Variants in DNMT3A observed in about 807,000 individuals in gnomAD.
DNMT3A encodes DNA (cytosine-5)-methyltransferase 3A.
DNMT3A carries 267 observed loss-of-function variants against 117.6 expected under a neutral mutation model. The ratio of observed to expected loss-of-function variants is 2.27; its 90% CI spans 2.05 to 2.51. The LOEUF is 2.51. Ranked by LOEUF, DNMT3A falls within the 30% of genes most tolerant of loss-of-function variation. The pLI is 0.00. For missense variants in DNMT3A, 1,029 were observed against 1,260.2 expected (o/e 0.82, Z 2.78); for synonymous variants, 432 against 474.8 (o/e 0.91, Z 1.17).
In DNMT3A at chr2:25,275,483, G is replaced by A; in HGVS notation, c.492+17C>T. On this transcript the variant is annotated intron_variant, in intron 5 of 22. Coordinates refer to ENST00000321117, the MANE Select transcript of DNMT3A (RefSeq NM_022552.5). ...TAGAATCAGGATCCACAGAGCCCCT[G>A]GGGGTGGAACACTTGCCTCCATTTT... 6.3e-7 allele frequency: 1 copy of A among 1,590,718 alleles called. No individual in the cohort carries two copies. The highest frequency in any genetic ancestry group is 1.4e-5 in the African/African-American group (1 of 72,332).
At chr2:25,317,477 G>A (rs1018777367) in intron 1 of DNMT3A, among the ~76,000 whole-genome samples, 8 of 152,222 alleles carry the variant, frequency 5.3e-5, no homozygotes, top group Non-Finnish European at 1.0e-4. Context: ...TCAGACAGGC[G>A]TGTGAACGCT....
intron 6 of DNMT3A, among the ~76,000 whole-genome samples, chr2:25,267,208 C>T (rs1272595594): frequency 1.3e-5 from 2 of 152,142 alleles, no homozygotes; most frequent in Non-Finnish European, 2.9e-5. Flanking sequence ...TATATTTACA[C>T]GCATACACAC....
intron 1 of DNMT3A, among the ~76,000 whole-genome samples, chr2:25,331,032 G>A (rs1304209345): frequency 6.6e-6 from 1 of 152,218 alleles, no homozygotes; most frequent in Admixed American, 6.5e-5. Context: ...GTGCAGAAGC[G>A]AGGGAGGGAA....
Position 25,327,901 on chromosome 2 carries a change from G to A in DNMT3A, c.-177-13740C>T, listed in dbSNP as rs899627281. On this transcript the variant is annotated intron_variant, in intron 1 of 22. Transcript: ENST00000321117. The surrounding 1 kb of genome is among the most constrained non-coding windows in gnomAD (Gnocchi z 4.1). ...AACTCAGGTCCCACCTTTCCCCTGG[G>A]TCCTCACATCCAGCAGGTACCTGGT... Among the ~76,000 whole-genome samples, 2 of 152,038 alleles carry A rather than the reference G, an allele frequency of 1.3e-5. No individual in the cohort carries two copies. Among genetic ancestry groups the A allele is most frequent in the Non-Finnish European group, 2.9e-5 (2 of 68,014 alleles).
chr2:25,247,445 G>T lies in DNMT3A; in HGVS notation c.1014+146C>A, dbSNP rs1172285539. 3 of 1,284,622 alleles carry T rather than the reference G, an allele frequency of 2.3e-6. No homozygotes were observed. The highest frequency in any genetic ancestry group is 2.1e-6 in the Non-Finnish European group (2 of 938,288). The allele number at this position is 1,284,622 out of a possible 1,614,324, so 79.6% of individuals were successfully genotyped here. A position where few individuals can be genotyped will look rare whatever the true frequency, so the allele number is the denominator to read the frequency against. ...CAGGTGCAACCTAATTATCCCTACAGCTTCTTCCACCCACCACAGGCAGAG... is the reference window on the plus strand; with the variant it reads ...CAGGTGCAACCTAATTATCCCTACATCTTCTTCCACCCACCACAGGCAGAG... On this transcript the variant is annotated intron_variant, in intron 8 of 22. Transcript: ENST00000321117. The surrounding 1 kb of genome is among the most constrained non-coding windows in gnomAD (Gnocchi z 5.6).
intron 1 of DNMT3A, among the ~76,000 whole-genome samples, chr2:25,333,677 C>A (rs1295442465): frequency 6.6e-6 from 1 of 152,200 alleles, no homozygotes; most frequent in Non-Finnish European, 1.5e-5. Flanking sequence ...AGCAGCAGGG[C>A]TTTGTGGGGG....
rs973149983 is a variant in DNMT3A at position 25,282,782 on chromosome 2, C to A, written c.178-71G>T. ...GCTTAGCCTGTTTTGGATCATTGAC[C>A]GCTCTGAAATTCTAGAGAATGTTAT... On this transcript the variant is annotated intron_variant, in intron 3 of 22. Coordinates refer to ENST00000321117, the MANE Select transcript of DNMT3A (RefSeq NM_022552.5). This position sits in a 1 kb window ranked among gnomAD's most constrained non-coding sequence, Gnocchi z 5.2. 1 of 1,467,456 alleles carries A rather than the reference C, an allele frequency of 6.8e-7. No homozygotes were observed. The highest frequency in any genetic ancestry group is 1.4e-5 in the African/African-American group (1 of 69,690). The allele number at this position is 1,467,456 out of a possible 1,614,324, so 90.9% of individuals were successfully genotyped here. A position where few individuals can be genotyped will look rare whatever the true frequency, so the allele number is the denominator to read the frequency against.
chr2:25,239,194 C>CATCA lies in DNMT3A; in HGVS notation c.2340_2343dup (p.Ala782Ter). 1 of 1,613,982 alleles carries CATCA rather than the reference C, an allele frequency of 6.2e-7. No homozygotes were observed. Among genetic ancestry groups the CATCA allele is most frequent in the Non-Finnish European group, 8.5e-7 (1 of 1,179,920 alleles). On this transcript the variant is annotated stop_gained and frameshift_variant, in exon 20 of 23. Transcript: ENST00000321117. LOFTEE classifies it high-confidence loss of function. ...CTGTGTGCAGCTGACACTTCTTTGG[C>CATCA]ATCAATCATCACAGGGTTGGACTAC... is the stretch of plus-strand genomic sequence containing the variant.
At chr2:25,309,508 C>A (rs932625537) in intron 2 of DNMT3A, among the ~76,000 whole-genome samples, 9 of 152,172 alleles carry the variant, frequency 5.9e-5, no homozygotes, top group African/African-American at 2.2e-4. Context: ...CTTTCTCCTG[C>A]AGCAAAAGTC....
intron 4 of DNMT3A, among the ~76,000 whole-genome samples, chr2:25,278,000 A>ATC (rs1185885592): frequency 8.1e-4 from 55 of 67,600 alleles, no homozygotes; most frequent in South Asian, 2.5e-3. Flanking sequence ...CACTTGAGTG[A>ATC]TCACACACAC....
rs1468315544 is a variant in DNMT3A, at chr2:25,281,529, C to T, written c.448+912G>A. 1.4e-5 allele frequency: 15 copies of T among 1,059,406 alleles called. No homozygotes were observed. Among genetic ancestry groups the T allele is most frequent in the African/African-American group, 4.9e-5 (3 of 60,746 alleles). The allele number at this position is 1,059,406 out of a possible 1,614,324, so 65.6% of individuals were successfully genotyped here. On this transcript the variant is annotated intron_variant, in intron 4 of 22. Coordinates refer to ENST00000321117, the MANE Select transcript of DNMT3A (RefSeq NM_022552.5). The surrounding 1 kb of genome is among the most constrained non-coding windows in gnomAD (Gnocchi z 4.8). The stretch of plus-strand genomic sequence containing the variant: ...GGTTGGATCCATGCAAAATAAGTTA[C>T]GCCAATTAATCAATTTACTCATTTC...
chr2:25,304,710 A>G lies in DNMT3A; in HGVS notation c.73-4467T>C, dbSNP rs550553130. 6.6e-6 allele frequency among the ~76,000 whole-genome samples: 1 copy of G among 152,346 alleles called. No homozygotes were observed. The highest frequency in any genetic ancestry group is 1.9e-4 in the East Asian group (1 of 5,184). On this transcript the variant is annotated intron_variant, in intron 2 of 22. Transcript: ENST00000321117. The surrounding 1 kb of genome is among the most constrained non-coding windows in gnomAD (Gnocchi z 4.3). ...AGGGCGGTCCCCAGGATTTGGCTGG[A>G]TCGCCTTGGTCTCTTCTCCACACTG...
intron 1 of DNMT3A, among the ~76,000 whole-genome samples, chr2:25,332,148 T>C (rs2035036676): frequency 6.6e-6 from 1 of 152,194 alleles, no homozygotes; most frequent in African/African-American, 2.4e-5. Flanking sequence ...CTCGATGCCC[T>C]AGAATGATCC....
At position 25,248,044 on chromosome 2, in the gene DNMT3A, T is replaced by TC. The variant is rs780318047; in HGVS notation, c.847dup (p.Glu283GlyfsTer41). 6.2e-7 allele frequency: 1 copy of TC among 1,612,002 alleles called. No homozygotes were observed. The highest frequency in any genetic ancestry group is 8.5e-7 in the Non-Finnish European group (1 of 1,179,962). ...GGTGAAGAAGCCGCTCACCTCGTAC[T>TC]CTGGCTCGTCATCGCCTGCTTTGGT... On this transcript the variant is annotated frameshift_variant, in exon 7 of 23. Transcript: ENST00000321117. LOFTEE classifies it high-confidence loss of function.
At chr2:25,269,039 A>AGT (rs1337520461) in intron 6 of DNMT3A, among the ~76,000 whole-genome samples, 1 of 152,226 alleles carries the variant, frequency 6.6e-6, no homozygotes, top group Admixed American at 6.5e-5. Context: ...CCGTAAGGAC[A>AGT]GTCTGAGTGC....
chr2:25,247,089 G>GC lies in DNMT3A; in HGVS notation c.1083dup (p.Gln362AlafsTer31). 1 of 1,614,118 alleles carries GC rather than the reference G, an allele frequency of 6.2e-7. No individual in the cohort carries two copies. The highest frequency in any genetic ancestry group is 8.5e-7 in the Non-Finnish European group (1 of 1,180,000). ...TAGATGGCTTTGCGGTACATGGGCTGCTTGTTGTACGTGGCCTGGTGGAAC... is the reference window on the plus strand; with the variant it reads ...TAGATGGCTTTGCGGTACATGGGCTGCCTTGTTGTACGTGGCCTGGTGGAAC... On this transcript the variant is annotated frameshift_variant, in exon 9 of 23. Transcript: ENST00000321117. LOFTEE classifies it high-confidence loss of function. The surrounding 1 kb of genome is among the most constrained non-coding windows in gnomAD (Gnocchi z 5.6).
chr2:25,268,103 G>A (rs957594542), intron 6 of DNMT3A, among the ~76,000 whole-genome samples: 1 of 152,186 alleles, frequency 6.6e-6, no homozygotes, highest in East Asian at 1.9e-4. Flanking sequence ...CGGAGGGAGT[G>A]GGTTGTATCT....
chr2:25,231,507 G>A lies in DNMT3A; in HGVS notation c.*2772C>T, dbSNP rs527848551. ...TGAATTTACTCCTGAGTAATGAGCAGGGGGTCCAAAGCCTTGGTTTGGTTT... is the reference window on the plus strand; with the variant it reads ...TGAATTTACTCCTGAGTAATGAGCAAGGGGTCCAAAGCCTTGGTTTGGTTT... On this transcript the variant is annotated 3_prime_UTR_variant, in exon 23 of 23. Transcript: ENST00000321117. 1 of 152,386 alleles carries A rather than the reference G, an allele frequency of 6.6e-6. No individual in the cohort carries two copies. Among genetic ancestry groups the A allele is most frequent in the African/African-American group, 2.4e-5 (1 of 41,590 alleles). 9.4% of individuals were successfully genotyped at this position (152,386 alleles called of 1,614,324 possible). A position where few individuals can be genotyped will look rare whatever the true frequency, so the allele number is the denominator to read the frequency against.
At chr2:25,275,454 C>A in intron 5 of DNMT3A, 46 bp downstream of exon 5, 1 of 1,551,994 alleles carries the variant, frequency 6.4e-7, no homozygotes. Flanking sequence ...CCGTGTCCTT[C>A]TTCTAGAATC....
Sources: gnomAD v4.1 joint callset for allele counts (sites outside exome capture counted in the v4.1 genomes callset) on GRCh38, gnomAD v4.1.1 for gene constraint, Gnocchi (gnomAD v3.1) non-coding constraint, MANE v1.5 for transcripts, NCBI Gene and HGNC (gene_info 2026-07-23, HGNC 2026-07-21) for gene names.